Variants in CDH13 observed in about 807,000 individuals in gnomAD.
CDH13 encodes cadherin-13.
Under a neutral mutation model 63.8 loss-of-function variants are expected in CDH13, and 24 were observed. The observed-to-expected ratio is 0.38, with a 90% confidence interval of 0.27 to 0.53. The LOEUF (loss-of-function observed/expected upper bound fraction) is 0.53, where lower values mean the gene tolerates loss of function less well. Among genes scored for constraint, CDH13 ranks in the 20% least tolerant of loss-of-function variants. The pLI, the probability that CDH13 is intolerant of heterozygous loss-of-function variation, is 0.85. For missense variants in CDH13, 1,049 were observed against 903.1 expected, an observed-to-expected ratio of 1.16 and a Z score of -2.07; for synonymous variants, 503 against 355.3, an observed-to-expected ratio of 1.42 and a Z score of -4.67.
chr16:83,043,498 T>A (rs571713420), intron 3 of CDH13, among the ~76,000 whole-genome samples: 3 of 116,204 alleles, frequency 2.6e-5, no homozygotes, highest in South Asian at 2.7e-4. Context: ...TGAGTGTGTG[T>A]GTGTGTGTGT....
intron 7 of CDH13, among the ~76,000 whole-genome samples, chr16:83,580,601 C>A (rs1905499326): frequency 6.6e-6 from 1 of 151,696 alleles, no homozygotes. Context: ...CTCAAGCAAT[C>A]CTCCCACCTT....
chr16:83,411,880 T>C (rs1437727365), intron 6 of CDH13, among the ~76,000 whole-genome samples: 2 of 152,208 alleles, frequency 1.3e-5, no homozygotes, highest in Non-Finnish European at 2.9e-5. Context: ...AGGTAGATAG[T>C]AACATCCCAC....
chr16:83,688,662 CA>C (rs1322961076), intron 10 of CDH13, among the ~76,000 whole-genome samples: 1 of 152,066 alleles, frequency 6.6e-6, no homozygotes, highest in Admixed American at 6.5e-5. Context: ...AGTCAACAAA[CA>C]CAGAGTTTGA....
chr16:82,793,457 A>AG (rs397712473), intron 1 of CDH13, among the ~76,000 whole-genome samples: 82 of 151,774 alleles, frequency 5.4e-4, no homozygotes, highest in African/African-American at 1.9e-3. Context: ...AGGTGAAAAA[A>AG]TACCCTGTGG....
At chr16:83,105,602 A>T (rs941402970) in intron 3 of CDH13, among the ~76,000 whole-genome samples, 23 of 152,180 alleles carry the variant, frequency 1.5e-4, no homozygotes, top group African/African-American at 4.8e-4. Flanking sequence ...AAAAAGAAAA[A>T]AGAGGTTGCC....
chr16:83,189,541 G>T (rs932941260), intron 4 of CDH13, among the ~76,000 whole-genome samples: 22 of 152,214 alleles, frequency 1.4e-4, no homozygotes, highest in African/African-American at 4.8e-4. Flanking sequence ...AAGGCTAAAG[G>T]GTATTCATTG....
chr16:83,112,849 T>G (rs2035124897), intron 3 of CDH13, among the ~76,000 whole-genome samples: 1 of 152,228 alleles, frequency 6.6e-6, no homozygotes, highest in African/African-American at 2.4e-5. Context: ...TTTCTCAACT[T>G]TATAGTCAGT....
intron 1 of CDH13, among the ~76,000 whole-genome samples, chr16:82,838,298 T>A (rs1484853195): frequency 1.3e-5 from 2 of 152,232 alleles, no homozygotes; most frequent in Non-Finnish European, 2.9e-5. Flanking sequence ...GATATATTTT[T>A]CTGGCAGAAG....
intron 7 of CDH13, among the ~76,000 whole-genome samples, chr16:83,552,753 T>C (rs1381729140): frequency 2.0e-5 from 3 of 152,150 alleles, no homozygotes; most frequent in Non-Finnish European, 2.9e-5. Context: ...AGGGGAAAGA[T>C]TAGAACATAT....
intron 2 of CDH13, among the ~76,000 whole-genome samples, chr16:82,914,960 C>T (rs577169477): frequency 2.0e-4 from 30 of 152,234 alleles, no homozygotes; most frequent in Admixed American, 2.6e-4. Flanking sequence ...CTTTCCCTCC[C>T]TCCTCCACAC....
chr16:83,113,180 A>G (rs949494126), intron 3 of CDH13, among the ~76,000 whole-genome samples: 1 of 152,238 alleles, frequency 6.6e-6, no homozygotes. Flanking sequence ...AATTTTCTAT[A>G]GATTTGGTTA....
chr16:82,717,501 CAACTTGTT>C (rs1325893582), intron 1 of CDH13, among the ~76,000 whole-genome samples: 43 of 151,110 alleles, frequency 2.8e-4, no homozygotes, highest in Admixed American at 2.8e-3. Context: ...TCCTGGAAGG[CAACTTGTT>C]TCAATGGGCT....
At chr16:83,137,047 G>A (rs977662944) in intron 4 of CDH13, among the ~76,000 whole-genome samples, 2 of 152,224 alleles carry the variant, frequency 1.3e-5, no homozygotes, top group African/African-American at 2.4e-5. Context: ...CTCAGGGACC[G>A]TGACACTGGA....
At chr16:83,242,319 T>C (rs1354059176) in intron 5 of CDH13, among the ~76,000 whole-genome samples, 1 of 152,182 alleles carries the variant, frequency 6.6e-6, no homozygotes, top group East Asian at 1.9e-4. Context: ...CAGATTGCCA[T>C]TTACTGAGGT....
chr16:82,868,620 G>C (rs1207085699), intron 2 of CDH13, among the ~76,000 whole-genome samples: 1 of 152,138 alleles, frequency 6.6e-6, no homozygotes, highest in Non-Finnish European at 1.5e-5. Flanking sequence ...AGTTCCCTTG[G>C]CCTAAGTTTT....
intron 1 of CDH13, among the ~76,000 whole-genome samples, chr16:82,697,225 G>C (rs1190426215): frequency 6.6e-6 from 1 of 152,120 alleles, no homozygotes; most frequent in Admixed American, 6.5e-5. Flanking sequence ...ACCACACTAT[G>C]TCATCAAAGA....
intron 7 of CDH13, among the ~76,000 whole-genome samples, chr16:83,566,659 G>A (rs1386913443): frequency 2.6e-5 from 4 of 152,158 alleles, no homozygotes; most frequent in Admixed American, 6.5e-5. Flanking sequence ...CATCAGATGG[G>A]AGGTTCTGGT....
At chr16:83,216,227 C>T (rs1343093346) in intron 4 of CDH13, among the ~76,000 whole-genome samples, 1 of 150,722 alleles carries the variant, frequency 6.6e-6, no homozygotes, top group Non-Finnish European at 1.5e-5. Context: ...AATTCAGAAA[C>T]GACAGTGTTG....
At chr16:83,607,345 G>C (rs1394124680) in intron 8 of CDH13, among the ~76,000 whole-genome samples, 1 of 152,010 alleles carries the variant, frequency 6.6e-6, no homozygotes, top group Non-Finnish European at 1.5e-5. Flanking sequence ...GCTTGAACCA[G>C]GGAGTCAGAG....
Sources: allele counts gnomAD v4.1 joint callset (sites outside exome capture counted in the v4.1 genomes callset), GRCh38; gene constraint gnomAD v4.1.1; transcripts MANE v1.5; gene names NCBI Gene and HGNC (gene_info 2026-07-23, HGNC 2026-07-21).